PTGER3: variants seen among roughly 807,000 people sequenced by gnomAD.
PTGER3 encodes the protein prostaglandin E2 receptor EP3 subtype.
Under a neutral mutation model 34.7 loss-of-function variants are expected in PTGER3, and 22 were observed. The ratio of observed to expected loss-of-function variants is 0.63; its 90% confidence interval spans 0.45 to 0.91. The LOEUF (loss-of-function observed/expected upper bound fraction) is 0.91, where lower values mean the gene tolerates loss of function less well. PTGER3 is among the 40% of genes least tolerant of loss of function. The probability of loss-of-function intolerance (pLI) is 0.00; values close to 1 mark genes in which losing one functional copy is unlikely to be tolerated. For synonymous variants in PTGER3, 241 were observed against 230.1 expected (o/e 1.05, Z -0.43); for missense variants, 468 against 519.4 (o/e 0.90, Z 0.96).
chr1:70,935,930 A>G (rs1468570922), intron 4 of PTGER3, among the ~76,000 whole-genome samples: 1 of 152,116 alleles, frequency 6.6e-6, no homozygotes, highest in Non-Finnish European at 1.5e-5. Flanking sequence ...ACAAAAATGC[A>G]TGGTCTTTTC....
chr1:70,883,918 C>T (rs777383279), intron 4 of PTGER3: 16 of 232,842 alleles, frequency 6.9e-5, no homozygotes, highest in Admixed American at 2.8e-4. Context: ...CAAAAATTAG[C>T]CAGGCTTGTG....
chr1:70,944,227 C>T (rs1650016071), intron 4 of PTGER3, among the ~76,000 whole-genome samples: 1 of 151,984 alleles, frequency 6.6e-6, no homozygotes, highest in African/African-American at 2.4e-5. Context: ...GTAATTAGCT[C>T]AAGAAGGGAC....
intron 2 of PTGER3, among the ~76,000 whole-genome samples, chr1:70,982,621 C>A (rs1654491827): frequency 6.6e-6 from 1 of 152,130 alleles, no homozygotes; most frequent in African/African-American, 2.4e-5. Flanking sequence ...ACATTTATTT[C>A]ATGGGCCACA....
intron 4 of PTGER3, among the ~76,000 whole-genome samples, chr1:70,893,409 A>C (rs1646660686): frequency 6.6e-6 from 1 of 152,146 alleles, no homozygotes; most frequent in Non-Finnish European, 1.5e-5. Context: ...GGCGTGGAGA[A>C]AGACATCAGG....
At chr1:71,038,340 G>A (rs188015033) in intron 1 of PTGER3, among the ~76,000 whole-genome samples, 1 of 152,174 alleles carries the variant, frequency 6.6e-6, no homozygotes, top group Non-Finnish European at 1.5e-5. Context: ...AAATAAACAG[G>A]CTTCCAGTTC....
chr1:70,907,216 T>G (rs897947949), intron 4 of PTGER3, among the ~76,000 whole-genome samples: 1 of 152,200 alleles, frequency 6.6e-6, no homozygotes, highest in African/African-American at 2.4e-5. Context: ...TGCAAGGCAT[T>G]TCAGGGTCCA....
downstream of PTGER3, among the ~76,000 whole-genome samples, chr1:70,947,760 G>A (rs1490280625): frequency 1.3e-5 from 2 of 152,038 alleles, no homozygotes; most frequent in African/African-American, 2.4e-5. Context: ...TTGAATCATT[G>A]TTGAGTACTG....
At chr1:70,909,191 A>G (rs1415984303) in intron 4 of PTGER3, among the ~76,000 whole-genome samples, 4 of 152,224 alleles carry the variant, frequency 2.6e-5, no homozygotes, top group Non-Finnish European at 5.9e-5. Context: ...GAAGTCCAAG[A>G]TATTAAGTGA....
intron 4 of PTGER3, among the ~76,000 whole-genome samples, chr1:70,926,731 G>T (rs1205148537): frequency 6.6e-6 from 1 of 151,784 alleles, no homozygotes; most frequent in African/African-American, 2.4e-5. Flanking sequence ...AATAGGAGTG[G>T]TGAGAGAGGG....
At chr1:70,915,166 G>A (rs749353187) in intron 4 of PTGER3, among the ~76,000 whole-genome samples, 25 of 151,772 alleles carry the variant, frequency 1.6e-4, no homozygotes, top group Non-Finnish European at 2.8e-4. Context: ...ATCAAGAACT[G>A]CATAGATTAT....
chr1:70,918,253 A>G (rs1647244393), intron 4 of PTGER3, among the ~76,000 whole-genome samples: 1 of 152,116 alleles, frequency 6.6e-6, no homozygotes, highest in Non-Finnish European at 1.5e-5. Context: ...TCAATTCTAG[A>G]TAGATTAAAT....
intron 2 of PTGER3, among the ~76,000 whole-genome samples, chr1:70,963,526 C>T (rs762042938): frequency 6.6e-6 from 1 of 152,194 alleles, no homozygotes; most frequent in Non-Finnish European, 1.5e-5. Flanking sequence ...CCTTTGTGTA[C>T]CTGCAGGCCC....
At chr1:70,927,128 T>C (rs189975820) in intron 4 of PTGER3, among the ~76,000 whole-genome samples, 4,540 of 152,304 alleles carry the variant, frequency 0.03, 18 homozygotes, top group Middle Eastern at 0.054. Context: ...TCAAGGATAT[T>C]GGTCTAAAAT....
intron 2 of PTGER3, among the ~76,000 whole-genome samples, chr1:70,981,084 G>A (rs1003922994): frequency 1.1e-4 from 16 of 152,164 alleles, no homozygotes; most frequent in African/African-American, 3.6e-4. Flanking sequence ...ATAGGCAACT[G>A]TTAATAGAAA....
intron 4 of PTGER3, among the ~76,000 whole-genome samples, chr1:70,875,697 C>G (rs888695220): frequency 6.6e-6 from 1 of 152,098 alleles, no homozygotes; most frequent in Admixed American, 6.5e-5. Flanking sequence ...GTGTTTAGCT[C>G]CCACTTATAA....
At chr1:70,973,053 C>A (rs75641947) in intron 3 of PTGER3, among the ~76,000 whole-genome samples, 220 of 99,148 alleles carry the variant, frequency 2.2e-3, no homozygotes, top group African/African-American at 6.1e-3. Flanking sequence ...CAAGTTATCT[C>A]TCTTCGTTTC....
intron 1 of PTGER3, among the ~76,000 whole-genome samples, chr1:71,022,514 T>C (rs1226832781): frequency 1.3e-5 from 2 of 151,928 alleles, no homozygotes; most frequent in Non-Finnish European, 2.9e-5. Context: ...TACATTCTTA[T>C]TAAACTTTGC....
intron 2 of PTGER3, among the ~76,000 whole-genome samples, chr1:70,991,129 A>G (rs2100770784): frequency 6.6e-6 from 1 of 152,230 alleles, no homozygotes; most frequent in South Asian, 2.1e-4. Flanking sequence ...CACACATACC[A>G]TTAGAACTCC....
chr1:70,878,684 C>T (rs557725167), intron 4 of PTGER3, among the ~76,000 whole-genome samples: 30 of 152,192 alleles, frequency 2.0e-4, no homozygotes, highest in Admixed American at 7.9e-4. Flanking sequence ...TTTCTTATTA[C>T]TTTAAAAGAA....
Sources: gnomAD v4.1 joint callset for allele counts (sites outside exome capture counted in the v4.1 genomes callset) on GRCh38, gnomAD v4.1.1 for gene constraint, MANE v1.5 for transcripts, NCBI Gene and HGNC (gene_info 2026-07-23, HGNC 2026-07-21) for gene names.